Variants in PTPRJ observed in about 807,000 individuals in gnomAD.
PTPRJ encodes the protein receptor-type tyrosine-protein phosphatase eta.
In PTPRJ, 129 loss-of-function variants were observed where a neutral mutation model predicts 141.3. The ratio of observed to expected loss-of-function variants is 0.91; its 90% CI spans 0.79 to 1.06. The LOEUF (loss-of-function observed/expected upper bound fraction) is 1.06. Ranked by LOEUF, PTPRJ falls within the 50% of genes least tolerant of loss-of-function variation. The pLI, the probability that PTPRJ is intolerant of heterozygous loss-of-function variation, is 0.00. For synonymous variants in PTPRJ, 610 were observed against 640.5 expected (o/e 0.95, Z 0.72); for missense variants, 1,601 against 1,679.7 (o/e 0.95, Z 0.82).
At chr11:48,121,768 C>T (rs1379202061) in intron 4 of PTPRJ, among the ~76,000 whole-genome samples, 2 of 151,896 alleles carry the variant, frequency 1.3e-5, no homozygotes, top group East Asian at 1.9e-4. Context: ...ATGTCAATAC[C>T]GAAGCCATCT....
At chr11:48,143,083 A>T in intron 12 of PTPRJ, 33 bp downstream of exon 12, 2 of 1,612,654 alleles carry the variant, frequency 1.2e-6, no homozygotes, top group Non-Finnish European at 1.7e-6. Context: ...TAAACAGCCC[A>T]TGAGTGATGC....
At chr11:48,055,464 C>T (rs1350688910) in intron 1 of PTPRJ, among the ~76,000 whole-genome samples, 2 of 152,200 alleles carry the variant, frequency 1.3e-5, no homozygotes, top group African/African-American at 4.8e-5. Flanking sequence ...TGGCCTCTTT[C>T]CTCCTCACCT....
At chr11:48,148,133 C>T (rs1857395966) in intron 15 of PTPRJ, among the ~76,000 whole-genome samples, 1 of 152,212 alleles carries the variant, frequency 6.6e-6, no homozygotes, top group African/African-American at 2.4e-5. Flanking sequence ...GCGTGAGCCC[C>T]TGTGCCTGGC....
intron 1 of PTPRJ, among the ~76,000 whole-genome samples, chr11:48,051,347 G>A (rs980280874): frequency 6.6e-6 from 1 of 152,094 alleles, no homozygotes; most frequent in Admixed American, 6.5e-5. Context: ...TGCTCACCTC[G>A]GCCTGCCGAA....
At chr11:48,009,972 G>C (rs61914716) in intron 1 of PTPRJ, among the ~76,000 whole-genome samples, 1 of 152,220 alleles carries the variant, frequency 6.6e-6, no homozygotes, top group African/African-American at 2.4e-5. Context: ...TTGGCATGTA[G>C]TGCAGCGTTT....
At chr11:48,149,842 A>G in intron 16 of PTPRJ, 148 bp from the exon 17 acceptor site, 1 of 608,554 alleles carries the variant, frequency 1.6e-6, no homozygotes. Flanking sequence ...ATCATATTTT[A>G]GTGTTTTGTG....
At chr11:48,021,416 TAAATAAAATAAAATA>T (rs747260239) in intron 1 of PTPRJ, among the ~76,000 whole-genome samples, 1 of 104,364 alleles carries the variant, frequency 9.6e-6, no homozygotes, top group Non-Finnish European at 1.9e-5. Flanking sequence ...AATAAATAAA[TAAATAAAATAAAATA>T]AAATAAATAA....
At chr11:48,028,082 A>G (rs1344071189) in intron 1 of PTPRJ, among the ~76,000 whole-genome samples, 2 of 152,180 alleles carry the variant, frequency 1.3e-5, no homozygotes, top group Non-Finnish European at 2.9e-5. Flanking sequence ...TATTAGAGAT[A>G]AAGGAAACAT....
intron 1 of PTPRJ, among the ~76,000 whole-genome samples, chr11:48,102,812 AT>A (rs1474506381): frequency 1.3e-5 from 2 of 152,142 alleles, no homozygotes; most frequent in Non-Finnish European, 2.9e-5. Flanking sequence ...GGGAGCCTCA[AT>A]TTAGGACCCC....
intron 1 of PTPRJ, among the ~76,000 whole-genome samples, chr11:48,034,407 A>G (rs1184733092): frequency 2.0e-5 from 3 of 152,030 alleles, no homozygotes; most frequent in African/African-American, 7.3e-5. Flanking sequence ...TTGGGTTTCC[A>G]TTAGAAGATT....
Position 48,167,601 on chromosome 11 carries a change from C to CTT in PTPRJ, c.*251_*252dup, listed in dbSNP as rs879001248. The CTT allele has an allele frequency of 8.1e-4, 241 of 296,654 alleles. No individual in the cohort carries two copies. The highest frequency in any genetic ancestry group is 1.0e-3 in the East Asian group (19 of 18,458). 18.4% of individuals were successfully genotyped at this position (296,654 alleles called of 1,614,324 possible). A position where few individuals can be genotyped will look rare whatever the true frequency, so the allele number is the denominator to read the frequency against. Reference sequence around the variant, plus strand: ...CCTGATGACCAATGGGATGAGGTCACTTTTTTTTTTTTTCCCCCTTGAGGA... The same window carrying CTT: ...CCTGATGACCAATGGGATGAGGTCACTTTTTTTTTTTTTTTCCCCCTTGAGGA... On this transcript the variant is annotated 3_prime_UTR_variant, in exon 25 of 25. Transcript: ENST00000418331.
chr11:48,092,294 CAAAAAAAAAAAAAAAAA>C (rs3971621), intron 1 of PTPRJ, among the ~76,000 whole-genome samples: 1 of 46,956 alleles, frequency 2.1e-5, no homozygotes, highest in Non-Finnish European at 3.9e-5. Context: ...GATTTCATCT[CAAAAAAAAAAAAAAAAA>C]AAAAAAGAAA....
chr11:48,075,478 A>AGT (rs1855375970), intron 1 of PTPRJ, among the ~76,000 whole-genome samples: 1 of 152,082 alleles, frequency 6.6e-6, no homozygotes, highest in Middle Eastern at 3.2e-3. Flanking sequence ...GCTGGAGTGC[A>AGT]GTGGTGCAGT....
intron 1 of PTPRJ, among the ~76,000 whole-genome samples, chr11:48,043,158 C>T (rs1242170586): frequency 6.6e-6 from 1 of 152,186 alleles, no homozygotes; most frequent in Non-Finnish European, 1.5e-5. Flanking sequence ...TTGTGTTGAA[C>T]TTTCTCTTTT....
intron 1 of PTPRJ, among the ~76,000 whole-genome samples, chr11:48,018,433 T>A (rs1855008145): frequency 6.6e-6 from 1 of 152,092 alleles, no homozygotes; most frequent in African/African-American, 2.4e-5. Flanking sequence ...CGGGCCACAG[T>A]GAAGACCCTG....
chr11:48,042,106 A>T (rs1301101932), intron 1 of PTPRJ, among the ~76,000 whole-genome samples: 1 of 152,166 alleles, frequency 6.6e-6, no homozygotes, highest in Admixed American at 6.5e-5. Flanking sequence ...AATCTCTTTG[A>T]ATAGTTCAGA....
intron 1 of PTPRJ, among the ~76,000 whole-genome samples, chr11:48,024,171 A>G (rs902149999): frequency 3.3e-5 from 5 of 151,888 alleles, no homozygotes; most frequent in Non-Finnish European, 4.4e-5. Flanking sequence ...CTCATTGAAG[A>G]CAGGCACCAC....
intron 1 of PTPRJ, among the ~76,000 whole-genome samples, chr11:47,984,828 G>A (rs1038735603): frequency 2.6e-5 from 4 of 151,896 alleles, no homozygotes; most frequent in Non-Finnish European, 4.4e-5. Flanking sequence ...CAAAGTGCAG[G>A]GATTATAGGC....
intron 1 of PTPRJ, among the ~76,000 whole-genome samples, chr11:48,034,435 T>C (rs1166063053): frequency 1.3e-5 from 2 of 152,174 alleles, no homozygotes; most frequent in Non-Finnish European, 2.9e-5. Context: ...ATAGTGGCTA[T>C]GAAAGCATAC....
Sources: allele counts gnomAD v4.1 joint callset (sites outside exome capture counted in the v4.1 genomes callset), GRCh38; gene constraint gnomAD v4.1.1; transcripts MANE v1.5; gene names NCBI Gene and HGNC (gene_info 2026-07-23, HGNC 2026-07-21).